The following HNF4G variants were observed in gnomAD, a reference collection of about 807,000 sequenced individuals.
HNF4G encodes hepatocyte nuclear factor 4-gamma.
HNF4G carries 21 observed loss-of-function variants against 50.9 expected under a neutral mutation model. The ratio of observed to expected loss-of-function variants is 0.41; its 90% CI spans 0.29 to 0.59. HNF4G has a LOEUF of 0.59. HNF4G is among the 20% of genes least tolerant of loss of function. The probability of loss-of-function intolerance (pLI) is 0.26; values close to 1 mark genes in which losing one functional copy is unlikely to be tolerated. For synonymous variants in HNF4G, 198 were observed against 185.6 expected, an observed-to-expected ratio of 1.07 and a Z score of -0.54; for missense variants, 527 against 559.4, an observed-to-expected ratio of 0.94 and a Z score of 0.58.
At chr8:75,555,225 G>A in intron 5 of HNF4G, among the ~76,000 whole-genome samples, 1 of 152,210 alleles carries the variant, frequency 6.6e-6, no homozygotes, top group East Asian at 1.9e-4. Flanking sequence ...TTACTGCAGA[G>A]TTAGAGAGGA....
chr8:75,500,895 T>C (rs906445325), intron 2 of HNF4G, among the ~76,000 whole-genome samples: 10 of 152,062 alleles, frequency 6.6e-5, no homozygotes, highest in African/African-American at 1.7e-4. Context: ...TGTATATTGG[T>C]TTTTTGAGGA....
rs962320726 is a variant in HNF4G at position 75,423,474 on chromosome 8, C to T, written c.-144+15312C>T. Reference sequence around the variant, plus strand: ...AAGCAATTCTTCTGCCTCATAACTCCGCCTCCCAGGTTCATGCCATTCTCC... The same window carrying T: ...AAGCAATTCTTCTGCCTCATAACTCTGCCTCCCAGGTTCATGCCATTCTCC... On this transcript the variant is annotated intron_variant, in intron 1 of 10. Transcript: ENST00000354370. 7.3e-5 allele frequency among the ~76,000 whole-genome samples: 11 copies of T among 151,342 alleles called. No individual in the cohort carries two copies. In the South Asian group the frequency reaches 1.0e-3, roughly 14 times the overall value.
At chr8:75,471,919 C>T (rs955859276) in intron 1 of HNF4G, among the ~76,000 whole-genome samples, 5 of 152,154 alleles carry the variant, frequency 3.3e-5, no homozygotes, top group African/African-American at 4.8e-5. Context: ...CAGATCTTTG[C>T]TTCATGGCTT....
intron 1 of HNF4G, among the ~76,000 whole-genome samples, chr8:75,408,513 G>A (rs1489072094): frequency 6.6e-6 from 1 of 152,172 alleles, no homozygotes; most frequent in Non-Finnish European, 1.5e-5. Context: ...ACACATCTTG[G>A]GAGTGGGCAT....
At chr8:75,494,990 T>G (rs1357907825) in intron 2 of HNF4G, among the ~76,000 whole-genome samples, 1 of 152,150 alleles carries the variant, frequency 6.6e-6, no homozygotes. Flanking sequence ...AATTAGTAAG[T>G]GTAAGTGATG....
At position 75,459,647 on chromosome 8, in the gene HNF4G, A is replaced by G. The variant is rs186808060; in HGVS notation, c.-143-30442A>G. ...TCTGCTATATCCTCATGTGAAACCC[A>G]GGAGCTAATCTGTATACATCTTCAT... On this transcript the variant is annotated intron_variant, in intron 1 of 10. Coordinates refer to the HNF4G transcript ENST00000354370. Among the ~76,000 whole-genome samples, 452 of 152,312 alleles carry G rather than the reference A, an allele frequency of 3.0e-3. 1 individual carries two copies. The highest frequency in any genetic ancestry group is 0.02 in the Middle Eastern group (6 of 294).
intron 1 of HNF4G, among the ~76,000 whole-genome samples, chr8:75,453,089 C>A (rs1245255000): frequency 6.6e-6 from 1 of 152,198 alleles, no homozygotes; most frequent in Non-Finnish European, 1.5e-5. Context: ...CTGTGACAGG[C>A]TGTTCTAATA....
intron 1 of HNF4G, among the ~76,000 whole-genome samples, chr8:75,460,387 C>A (rs1321347588): frequency 6.6e-6 from 1 of 152,084 alleles, no homozygotes; most frequent in African/African-American, 2.4e-5. Context: ...AACTTGAAAG[C>A]CAGCATTAAC....
intron 2 of HNF4G, among the ~76,000 whole-genome samples, chr8:75,500,754 A>G (rs771294975): frequency 2.6e-5 from 4 of 152,178 alleles, no homozygotes; most frequent in Non-Finnish European, 5.9e-5. Context: ...GTGAAACAAG[A>G]CACACATGCA....
intron 2 of HNF4G, among the ~76,000 whole-genome samples, chr8:75,508,179 C>CAATGATTGTGACACATTAG (rs1805647053): frequency 6.6e-6 from 1 of 152,026 alleles, no homozygotes; most frequent in African/African-American, 2.4e-5. Context: ...AAAAATCCAT[C>CAATGATTGTGACACATTAG]CTTCCAGCAC....
chr8:75,548,432 G>T (rs1364996245), intron 3 of HNF4G, among the ~76,000 whole-genome samples: 1 of 151,924 alleles, frequency 6.6e-6, no homozygotes, highest in African/African-American at 2.4e-5. Flanking sequence ...ACTGTTCTAG[G>T]TGCTAAAGCT....
chr8:75,494,748 C>G (rs1405533126), intron 2 of HNF4G, among the ~76,000 whole-genome samples: 2 of 151,264 alleles, frequency 1.3e-5, no homozygotes, highest in African/African-American at 4.9e-5. Context: ...TTAGATAATA[C>G]TAGTAATAGC....
At chr8:75,518,847 T>C (rs1354519815) in intron 2 of HNF4G, among the ~76,000 whole-genome samples, 2 of 152,190 alleles carry the variant, frequency 1.3e-5, no homozygotes, top group Non-Finnish European at 1.5e-5. Flanking sequence ...GTGATTAACA[T>C]TTGGCTCCTC....
intron 1 of HNF4G, among the ~76,000 whole-genome samples, chr8:75,425,257 G>T (rs1332034191): frequency 6.6e-6 from 1 of 151,496 alleles, no homozygotes; most frequent in African/African-American, 2.4e-5. Flanking sequence ...GCTAATTTTT[G>T]TACTTCAGTG....
intron 1 of HNF4G, among the ~76,000 whole-genome samples, chr8:75,461,099 T>G (rs1194847712): frequency 6.6e-6 from 1 of 152,182 alleles, no homozygotes; most frequent in African/African-American, 2.4e-5. Flanking sequence ...GTAAGCCTGT[T>G]TTTTTCTTTG....
chr8:75,487,074 A>C, intron 1 of HNF4G, among the ~76,000 whole-genome samples: 1 of 152,222 alleles, frequency 6.6e-6, no homozygotes, highest in East Asian at 1.9e-4. Flanking sequence ...AAAATTGGCA[A>C]ATATTAAAAA....
At chr8:75,470,049 A>G (rs914998835) in intron 1 of HNF4G, among the ~76,000 whole-genome samples, 1 of 152,160 alleles carries the variant, frequency 6.6e-6, no homozygotes, top group Non-Finnish European at 1.5e-5. Flanking sequence ...CACTTTTTAG[A>G]TGATTCTCTT....
chr8:75,546,810 G>C (rs1457390680), intron 2 of HNF4G, among the ~76,000 whole-genome samples: 11 of 152,108 alleles, frequency 7.2e-5, no homozygotes, highest in Admixed American at 6.6e-4. Flanking sequence ...TTTGGGCTAT[G>C]ATGAATAATG....
At position 75,471,849 on chromosome 8, in the gene HNF4G, A is replaced by G. The variant is rs117561362; in HGVS notation, c.-143-18240A>G. 2.4e-4 allele frequency among the ~76,000 whole-genome samples: 36 copies of G among 152,320 alleles called. 1 individual carries two copies. In the East Asian group the frequency reaches 6.9e-3, roughly 29 times the overall value. ...GGTGAAATTGGGGAAACCTTAAAAGAGCAAATGTAACATTCATGTTAGCTT... is the reference window on the plus strand; with the variant it reads ...GGTGAAATTGGGGAAACCTTAAAAGGGCAAATGTAACATTCATGTTAGCTT... On this transcript the variant is annotated intron_variant, in intron 1 of 10. Transcript: ENST00000354370.
Sources: allele counts gnomAD v4.1 joint callset (sites outside exome capture counted in the v4.1 genomes callset), GRCh38; gene constraint gnomAD v4.1.1; transcripts MANE v1.5; gene names NCBI Gene and HGNC (gene_info 2026-07-23, HGNC 2026-07-21).